Variants in SLIT1 observed in about 807,000 individuals in gnomAD.
SLIT1 encodes the protein slit homolog 1 protein.
Under a neutral mutation model 186.1 loss-of-function variants are expected in SLIT1, and 66 were observed. That is an observed-to-expected ratio of 0.35 (90% CI 0.29 to 0.44). The LOEUF is 0.44. Ranked by LOEUF, SLIT1 falls within the 20% of genes least tolerant of loss-of-function variation. The probability of loss-of-function intolerance (pLI) is 1.00; values close to 1 mark genes in which losing one functional copy is unlikely to be tolerated. For synonymous variants in SLIT1, 761 were observed against 833.8 expected (o/e 0.91, Z 1.50); for missense variants, 1,638 against 2,037.4 (o/e 0.80, Z 3.77).
intron 18 of SLIT1, among the ~76,000 whole-genome samples, chr10:97,044,140 G>C (rs954545384): frequency 6.6e-6 from 1 of 152,224 alleles, no homozygotes; most frequent in African/African-American, 2.4e-5. Context: ...AGTGGCTCAT[G>C]CCTGTAAAAA....
Position 97,060,798 on chromosome 10 carries a change from A to AGG in SLIT1, c.794-13_794-12dup. On this transcript the variant is annotated splice_polypyrimidine_tract_variant and intron_variant, in intron 8 of 36. Transcript: ENST00000266058. ...CCGCTTCTCCCTGGCCTGCAGAAAC[A>AGG]GGGGGGTGTGGCCTCAGGCTGTCAT... is the stretch of plus-strand genomic sequence containing the variant. 1 of 1,581,418 alleles carries AGG rather than the reference A, an allele frequency of 6.3e-7. No individual in the cohort carries two copies. The highest frequency in any genetic ancestry group is 8.6e-7 in the Non-Finnish European group (1 of 1,163,754).
intron 4 of SLIT1, among the ~76,000 whole-genome samples, chr10:97,146,906 C>G (rs1318299395): frequency 8.5e-6 from 1 of 117,066 alleles, no homozygotes; most frequent in Non-Finnish European, 2.0e-5. Context: ...TCTGTCCAAT[C>G]TGGTGGAAAA....
At chr10:97,104,349 G>A (rs112494027) in intron 4 of SLIT1, among the ~76,000 whole-genome samples, 1 of 152,086 alleles carries the variant, frequency 6.6e-6, no homozygotes, top group East Asian at 1.9e-4. Flanking sequence ...CAAGGGTAGG[G>A]ACTTTGGATA....
At chr10:97,032,271 A>G (rs1398881325) in intron 23 of SLIT1, among the ~76,000 whole-genome samples, 1 of 152,212 alleles carries the variant, frequency 6.6e-6, no homozygotes. Context: ...GGGTCACATT[A>G]TTAAGTCATT....
intron 11 of SLIT1, chr10:97,058,214 C>T: frequency 3.2e-6 from 2 of 630,832 alleles, no homozygotes; most frequent in Non-Finnish European, 5.8e-6. Context: ...CCTCAAGCTG[C>T]TGGGTGGGAA....
chr10:97,109,935 A>G (rs140763529), intron 4 of SLIT1, among the ~76,000 whole-genome samples: 2 of 152,320 alleles, frequency 1.3e-5, no homozygotes, highest in East Asian at 3.9e-4. Context: ...CACTGTATTC[A>G]GCTCAGTTTA....
chr10:97,135,892 T>G (rs1214873598), intron 4 of SLIT1, among the ~76,000 whole-genome samples: 1 of 152,186 alleles, frequency 6.6e-6, no homozygotes. Context: ...GCCCAGGAGC[T>G]GACACACTGT....
rs759172426 is a variant in SLIT1 at position 97,001,335 on chromosome 10, C to T, written c.4382G>A (p.Gly1461Glu). The change falls in exon 37 of 37, where the codon GGG becomes GAG. Residue 1461 changes from glycine to glutamate, a missense_variant. Transcript: ENST00000266058. ...CTGGTGAAAGTCCCGGACAGGGTCC[C>T]CCCGGCACTCGGACTCTGGATGGGA... Reference protein sequence around the residue: ...ELCEQESECRGDPVRDFHQVQ... With the variant: ...ELCEQESECREDPVRDFHQVQ... The T allele has an allele frequency of 6.8e-6, 11 of 1,612,494 alleles. No homozygotes were observed. Among genetic ancestry groups the T allele is most frequent in the Non-Finnish European group, 9.3e-6 (11 of 1,179,660 alleles).
At position 97,184,555 on chromosome 10, in the gene SLIT1, G is replaced by A. The variant is rs569783642; in HGVS notation, c.197+923C>T. Among the ~76,000 whole-genome samples the A allele has an allele frequency of 2.9e-3, 444 of 151,568 alleles. 6 individuals carry two copies. Among genetic ancestry groups the A allele is most frequent in the African/African-American group, 0.01 (429 of 41,274 alleles). On this transcript the variant is annotated intron_variant, in intron 1 of 36. Coordinates refer to ENST00000266058, the MANE Select transcript of SLIT1 (RefSeq NM_003061.3). The surrounding 1 kb of genome is among the most constrained non-coding windows in gnomAD (Gnocchi z 4.4). ...GAGTCACAGAAAACAAAGTATAAAG[G>A]TCTGTAAATACACACACTCAAACAC...
At chr10:97,045,200 A>T (rs1005938060) in intron 18 of SLIT1, among the ~76,000 whole-genome samples, 2 of 151,846 alleles carry the variant, frequency 1.3e-5, no homozygotes, top group Non-Finnish European at 2.9e-5. Flanking sequence ...TCAATACAAC[A>T]TTGCTTATAA....
chr10:97,185,323 G>A (rs1485979391), intron 1 of SLIT1, among the ~76,000 whole-genome samples, 155 bp downstream of exon 1: 1 of 152,150 alleles, frequency 6.6e-6, no homozygotes, highest in South Asian at 2.1e-4. Flanking sequence ...CCTGGCTCCT[G>A]GCTCGGGAAA....
intron 25 of SLIT1, among the ~76,000 whole-genome samples, chr10:97,026,729 A>ATGGC (rs1222348035): frequency 2.6e-5 from 4 of 152,194 alleles, no homozygotes; most frequent in Non-Finnish European, 4.4e-5. Flanking sequence ...ATATTTGCTG[A>ATGGC]TGGCTGGCTG....
In SLIT1 at chr10:97,014,582, A is replaced by C. The variant is rs376234282; in HGVS notation, c.2970-424T>G. 1.8e-4 allele frequency among the ~76,000 whole-genome samples: 27 copies of C among 152,192 alleles called. No individual in the cohort carries two copies. The East Asian group carries it at 3.7e-3, about 21-fold the overall frequency. On this transcript the variant is annotated intron_variant, in intron 28 of 36. Coordinates refer to ENST00000266058, the MANE Select transcript of SLIT1 (RefSeq NM_003061.3). ...GGCAGAGGTGTGTGTAAAAGCCTGG[A>C]GTGGCCAGGTGCGGTGGCTCATGCC...
At chr10:97,105,587 C>T (rs1849405609) in intron 4 of SLIT1, among the ~76,000 whole-genome samples, 1 of 152,216 alleles carries the variant, frequency 6.6e-6, no homozygotes, top group Non-Finnish European at 1.5e-5. Context: ...GCTGAACTCA[C>T]ACATGATTTT....
chr10:97,122,700 A>T (rs1365638017), intron 4 of SLIT1, among the ~76,000 whole-genome samples: 1 of 152,174 alleles, frequency 6.6e-6, no homozygotes, highest in Non-Finnish European at 1.5e-5. Context: ...GCATCAGGGC[A>T]GCCCTTGTAT....
In SLIT1 at chr10:97,000,886, G is replaced by A. The variant is rs951854114; in HGVS notation, c.*226C>T. The A allele has an allele frequency of 1.1e-4, 63 of 576,330 alleles. No homozygotes were observed. The highest frequency in any genetic ancestry group is 4.6e-4 in the Middle Eastern group (1 of 2,176). The allele number at this position is 576,330 out of a possible 1,614,324, so 35.7% of individuals were successfully genotyped here. On this transcript the variant is annotated 3_prime_UTR_variant, in exon 37 of 37. Coordinates refer to ENST00000266058, the MANE Select transcript of SLIT1 (RefSeq NM_003061.3). ...GCGCCTATTTGTGCAAGGCACTTCC[G>A]GAGAGGGCAGCCCGCAGCTCAGGCC...
At chr10:97,003,401 C>T (rs1407083881) in intron 34 of SLIT1, among the ~76,000 whole-genome samples, 2 of 152,232 alleles carry the variant, frequency 1.3e-5, no homozygotes, top group Non-Finnish European at 2.9e-5. Context: ...TGTGGCTGTC[C>T]CTTCTCAGCA....
At chr10:97,158,661 C>CA (rs34201804) in intron 3 of SLIT1, among the ~76,000 whole-genome samples, 89,494 of 122,190 alleles carry the variant, frequency 0.73, 32,175 homozygotes, top group Admixed American at 0.78. Context: ...AACTCTGTCT[C>CA]AAAAAAAAAA....
chr10:97,144,069 G>A (rs1371218746), intron 4 of SLIT1, among the ~76,000 whole-genome samples: 1 of 152,084 alleles, frequency 6.6e-6, no homozygotes, highest in Non-Finnish European at 1.5e-5. Flanking sequence ...GTGGTGGCGG[G>A]TGCCTGTGGT....
Sources: gnomAD v4.1 joint callset for allele counts (sites outside exome capture counted in the v4.1 genomes callset) on GRCh38, gnomAD v4.1.1 for gene constraint, Gnocchi (gnomAD v3.1) non-coding constraint, MANE v1.5 for transcripts, NCBI Gene and HGNC (gene_info 2026-07-23, HGNC 2026-07-21) for gene names.